IGFL2: variants seen among roughly 807,000 people sequenced by gnomAD.
IGFL2 encodes IGF like family member 2.
A neutral mutation model predicts 13.9 loss-of-function variants in IGFL2; 7 were observed. The observed-to-expected ratio is 0.51, with a 90% CI of 0.29 to 0.95. IGFL2 has a LOEUF of 0.95. Among genes scored for constraint, IGFL2 ranks in the 40% least tolerant of loss-of-function variants. The pLI is 0.08. For missense variants in IGFL2, 138 were observed against 147.8 expected (o/e 0.93, Z 0.34); for synonymous variants, 55 against 55.8 (o/e 0.99, Z 0.07).
At chr19:46,137,237 A>G in the IGFL2 span, 8 of 1,461,210 alleles carry the variant, frequency 5.5e-6, no homozygotes, top group South Asian at 4.6e-5. Flanking sequence ...GGTAATTGTG[A>G]ACTGATTTGG....
At chr19:46,177,923 C>T in the IGFL2 span, among the ~76,000 whole-genome samples, 241 of 152,242 alleles carry the variant, frequency 1.6e-3, 1 homozygote, top group African/African-American at 5.1e-3. Flanking sequence ...AGGTCAGACA[C>T]CCCTTGTGTT....
the IGFL2 span, among the ~76,000 whole-genome samples, chr19:46,178,976 G>A: frequency 6.6e-6 from 1 of 151,854 alleles, no homozygotes; most frequent in African/African-American, 2.4e-5. Context: ...TACAGAGTTT[G>A]GTTTTTTCAT....
chr19:46,123,962 TCTG>T, the IGFL2 span: 6 of 1,611,404 alleles, frequency 3.7e-6, no homozygotes, highest in South Asian at 1.1e-5. Context: ...ACAAGAAACT[TCTG>T]CTGGGGGCCA....
chr19:46,120,058 A>G, the IGFL2 span: 22 of 492,626 alleles, frequency 4.5e-5, no homozygotes, highest in Non-Finnish European at 8.0e-5. Flanking sequence ...ATCAGGTTGC[A>G]TGAACGAATT....
chr19:46,131,321 A>G, the IGFL2 span, among the ~76,000 whole-genome samples: 2 of 152,214 alleles, frequency 1.3e-5, no homozygotes, highest in African/African-American at 2.4e-5. Flanking sequence ...AATTTTAATA[A>G]TAGACAAAAA....
the IGFL2 span, among the ~76,000 whole-genome samples, chr19:46,081,624 G>A: frequency 6.6e-6 from 1 of 152,158 alleles, no homozygotes; most frequent in African/African-American, 2.4e-5. Context: ...TGTATATGCA[G>A]CCTAGCCCTC....
chr19:46,194,846 ATATATATTTTTTTTTT>A, the IGFL2 span, among the ~76,000 whole-genome samples: 5 of 34,920 alleles, frequency 1.4e-4, no homozygotes, highest in African/African-American at 3.6e-4. Context: ...ATATATATAT[ATATATATTTTTTTTTT>A]TTTTTTTTTT....
At chr19:46,087,362 G>A in the IGFL2 span, among the ~76,000 whole-genome samples, 1 of 152,220 alleles carries the variant, frequency 6.6e-6, no homozygotes, top group Non-Finnish European at 1.5e-5. Flanking sequence ...AACCTCAGAT[G>A]TTAAGAGAAG....
At chr19:46,162,790 T>C (rs1404619120), downstream of IGFL2, among the ~76,000 whole-genome samples, 1 of 152,238 alleles carries the variant, frequency 6.6e-6, no homozygotes, top group East Asian at 1.9e-4. Flanking sequence ...TGAATTCTAC[T>C]TCTGTCATTT....
upstream of IGFL2, chr19:46,147,942 C>T: frequency 3.4e-6 from 1 of 290,350 alleles, no homozygotes; most frequent in East Asian, 6.1e-5. Context: ...TAAGTGAGAG[C>T]CAAGGAATCT....
At chr19:46,088,692 CAATA>C in the IGFL2 span, among the ~76,000 whole-genome samples, 1 of 152,004 alleles carries the variant, frequency 6.6e-6, no homozygotes, top group Non-Finnish European at 1.5e-5. Flanking sequence ...ATTTGGGTGA[CAATA>C]AATGAAGTTA....
At chr19:46,127,180 G>GT in the IGFL2 span, among the ~76,000 whole-genome samples, 26 of 152,202 alleles carry the variant, frequency 1.7e-4, no homozygotes, top group South Asian at 5.4e-3. Flanking sequence ...AAAGCCAGGA[G>GT]TTCAAGACCA....
chr19:46,160,359 C>T, intron 1 of IGFL2, 56 bp from the exon 2 acceptor site: 6 of 1,529,318 alleles, frequency 3.9e-6, no homozygotes, highest in Non-Finnish European at 5.4e-6. Flanking sequence ...TCCCTGAGAT[C>T]AACCTAGTGG....
the IGFL2 span, among the ~76,000 whole-genome samples, chr19:46,115,781 G>A: frequency 2.0e-5 from 3 of 152,210 alleles, no homozygotes; most frequent in Admixed American, 1.3e-4. Context: ...AAGGGAACCA[G>A]CGACAGGGAT....
chr19:46,159,640 T>G (rs560608801), intron 1 of IGFL2: 1 of 152,354 alleles, frequency 6.6e-6, no homozygotes, highest in South Asian at 2.1e-4. Context: ...ATATTTGAAC[T>G]TGGATCACTA....
At position 46,160,800 on chromosome 19, in the gene IGFL2, C is replaced by T; in HGVS notation, c.260C>T (p.Thr87Ile). ...TGCTGTCTTGATTCCTTTGGCCTCA[C>T]AAACGATTTTGTTGTGAAGCTGAAG... Reference protein sequence around the residue: ...ELCCLDSFGLTNDFVVKLKVQ... With the variant: ...ELCCLDSFGLINDFVVKLKVQ... The change falls in exon 3 of 4, where the codon ACA becomes ATA. Residue 87 changes from threonine to isoleucine, a missense_variant. Physicochemically the swap from Thr to Ile is moderately conservative, Grantham distance 89. Transcript: ENST00000377693. The T allele has an allele frequency of 5.6e-6, 9 of 1,614,080 alleles. No homozygotes were observed. Among genetic ancestry groups the T allele is most frequent in the Non-Finnish European group, 7.6e-6 (9 of 1,179,942 alleles).
chr19:46,084,045 T>TGACC, the IGFL2 span, among the ~76,000 whole-genome samples: 1 of 152,258 alleles, frequency 6.6e-6, no homozygotes, highest in Non-Finnish European at 1.5e-5. Context: ...ATTTCTTCAC[T>TGACC]GACCCAATGA....
chr19:46,190,240 G>C, the IGFL2 span: 3 of 152,182 alleles, frequency 2.0e-5, no homozygotes, highest in African/African-American at 7.2e-5. Context: ...GTGCTCAGCA[G>C]GTAGATAGAC....
the IGFL2 span, among the ~76,000 whole-genome samples, chr19:46,194,534 A>G: frequency 1.3e-5 from 2 of 152,118 alleles, no homozygotes; most frequent in South Asian, 4.2e-4. Flanking sequence ...GCAAAAACCA[A>G]TCAAGGGCCG....
Sources: allele counts gnomAD v4.1 joint callset (sites outside exome capture counted in the v4.1 genomes callset), GRCh38; gene constraint gnomAD v4.1.1; transcripts MANE v1.5; gene names NCBI Gene and HGNC (gene_info 2026-07-23, HGNC 2026-07-21).